The following NALF1 variants were observed in gnomAD, a reference collection of about 807,000 sequenced individuals.
NALF1 encodes the protein NALCN channel auxiliary factor 1, also known as family with sequence similarity 155 member A.
In NALF1, 3 loss-of-function variants were observed where a neutral mutation model predicts 48.4. That is an observed-to-expected ratio of 0.06 (90% CI 0.03 to 0.16). The LOEUF (loss-of-function observed/expected upper bound fraction) is 0.16. Ranked by LOEUF, NALF1 falls within the 10% of genes least tolerant of loss-of-function variation. The pLI, the probability that NALF1 is intolerant of heterozygous loss-of-function variation, is 1.00. For missense variants in NALF1, 526 were observed against 571.5 expected (o/e 0.92, Z 0.81); for synonymous variants, 262 against 245.7 (o/e 1.07, Z -0.62).
At chr13:107,530,948 T>C (rs868702067) in intron 1 of NALF1, among the ~76,000 whole-genome samples, 3 of 152,010 alleles carry the variant, frequency 2.0e-5, no homozygotes, top group African/African-American at 7.2e-5. Context: ...AACATTTTAG[T>C]TATGTAAAAA....
intron 1 of NALF1, among the ~76,000 whole-genome samples, chr13:107,723,330 A>C (rs1385611829): frequency 6.6e-6 from 1 of 152,186 alleles, no homozygotes; most frequent in East Asian, 1.9e-4. Flanking sequence ...TGCATTATAC[A>C]CTTAAGACCT....
At chr13:107,594,588 T>G (rs1009909937) in intron 1 of NALF1, among the ~76,000 whole-genome samples, 6 of 152,134 alleles carry the variant, frequency 3.9e-5, no homozygotes, top group Non-Finnish European at 5.9e-5. Context: ...CTAAAACAAA[T>G]ACTCCACCCA....
At chr13:107,494,582 T>A (rs1875262421) in intron 1 of NALF1, among the ~76,000 whole-genome samples, 1 of 152,210 alleles carries the variant, frequency 6.6e-6, no homozygotes, top group Non-Finnish European at 1.5e-5. Flanking sequence ...CATTGCTGCA[T>A]AACTGAGCAA....
chr13:107,606,715 T>A (rs1360273549), intron 1 of NALF1, among the ~76,000 whole-genome samples: 1 of 151,560 alleles, frequency 6.6e-6, no homozygotes, highest in Non-Finnish European at 1.5e-5. Flanking sequence ...GTTGACAAAT[T>A]AAAAAAAAAT....
At chr13:107,371,913 T>A (rs1883254552) in intron 1 of NALF1, among the ~76,000 whole-genome samples, 1 of 152,214 alleles carries the variant, frequency 6.6e-6, no homozygotes, top group African/African-American at 2.4e-5. Flanking sequence ...TTAATCAAGC[T>A]TTTCCAGACT....
rs1272547366 is a variant in NALF1, at chr13:107,276,738, TAATC to T, written c.916-65987_916-65984del. ...GACTTCCCATCTGACAAGGGATTAA[TAATC>T]AAACTGTATCAAGAGATAAACACAT... On this transcript the variant is annotated intron_variant, in intron 1 of 2. Transcript: ENST00000375915. Among the ~76,000 whole-genome samples, 15 of 152,118 alleles carry T rather than the reference TAATC, an allele frequency of 9.9e-5. 1 individual carries two copies. Among genetic ancestry groups the T allele is most frequent in the Admixed American group, 9.2e-4 (14 of 15,278 alleles).
intron 1 of NALF1, among the ~76,000 whole-genome samples, chr13:107,597,194 CTA>C (rs1594150426): frequency 1.3e-5 from 2 of 152,246 alleles, no homozygotes; most frequent in East Asian, 1.9e-4. Flanking sequence ...TTGAAGAAGT[CTA>C]TGTTATCAAA....
intron 1 of NALF1, among the ~76,000 whole-genome samples, chr13:107,238,786 G>A (rs1298511229): frequency 6.6e-6 from 1 of 152,102 alleles, no homozygotes; most frequent in Non-Finnish European, 1.5e-5. Flanking sequence ...GAAACCCAAC[G>A]GTGAGGTCAT....
At position 107,356,741 on chromosome 13, in the gene NALF1, C is replaced by T. The variant is rs533140935; in HGVS notation, c.916-145986G>A. Among the ~76,000 whole-genome samples the T allele has an allele frequency of 4.1e-4, 63 of 152,182 alleles. 2 individuals are homozygous for T. The South Asian group carries it at 0.013, about 31-fold the overall frequency. On this transcript the variant is annotated intron_variant, in intron 1 of 2. Coordinates refer to ENST00000375915, the MANE Select transcript of NALF1 (RefSeq NM_001080396.3). ...TTGAAGTTTATGATTCAACAGAAAACAAAAGTAGCTAAAACTCAAACAGAA... is the reference window on the plus strand; with the variant it reads ...TTGAAGTTTATGATTCAACAGAAAATAAAAGTAGCTAAAACTCAAACAGAA...
At chr13:107,519,684 A>G (rs1876174310) in intron 1 of NALF1, among the ~76,000 whole-genome samples, 1 of 152,188 alleles carries the variant, frequency 6.6e-6, no homozygotes, top group Admixed American at 6.5e-5. Flanking sequence ...ATATAATATC[A>G]AAACATTAAA....
intron 1 of NALF1, among the ~76,000 whole-genome samples, chr13:107,495,127 G>A (rs1310618416): frequency 6.6e-6 from 1 of 152,198 alleles, no homozygotes; most frequent in Non-Finnish European, 1.5e-5. Flanking sequence ...TCCTGCATCA[G>A]AAGTTGCAAG....
At chr13:107,350,590 C>T (rs1017281927) in intron 1 of NALF1, among the ~76,000 whole-genome samples, 8 of 152,180 alleles carry the variant, frequency 5.3e-5, no homozygotes, top group Admixed American at 5.2e-4. Flanking sequence ...TAGATGTTTA[C>T]TTGTTTATGC....
intron 1 of NALF1, among the ~76,000 whole-genome samples, chr13:107,533,824 A>C (rs2139110801): frequency 6.6e-6 from 1 of 152,274 alleles, no homozygotes; most frequent in Middle Eastern, 3.4e-3. Context: ...GGTCTCAGGA[A>C]AAGCTCAATA....
chr13:107,544,909 C>A lies in NALF1; in HGVS notation c.915+320773G>T, dbSNP rs12584208. On this transcript the variant is annotated intron_variant, in intron 1 of 2. Transcript: ENST00000375915. The stretch of plus-strand genomic sequence containing the variant: ...AGGTGAACAGAATGGAGATCACCGT[C>A]CTCTGCAGAAGACAGGCTCATGACT... Among the ~76,000 whole-genome samples, 3,730 of 152,206 alleles carry A rather than the reference C, an allele frequency of 0.025. 416 individuals carry two copies. The East Asian group carries it at 0.37, about 15-fold the overall frequency.
intron 1 of NALF1, among the ~76,000 whole-genome samples, chr13:107,540,567 T>C (rs1026440351): frequency 2.0e-5 from 3 of 152,262 alleles, no homozygotes; most frequent in Admixed American, 6.6e-5. Context: ...AATTTGCTTT[T>C]GAAATGCTGG....
chr13:107,470,202 T>C (rs1885077586), intron 1 of NALF1, among the ~76,000 whole-genome samples: 1 of 152,198 alleles, frequency 6.6e-6, no homozygotes, highest in South Asian at 2.1e-4. Flanking sequence ...ACTTTACTTA[T>C]TTGCATATGG....
At chr13:107,375,076 A>G (rs1307711696) in intron 1 of NALF1, among the ~76,000 whole-genome samples, 1 of 152,218 alleles carries the variant, frequency 6.6e-6, no homozygotes, top group Non-Finnish European at 1.5e-5. Flanking sequence ...TTATAGAAAA[A>G]GAAGTATTAC....
chr13:107,379,268 T>C (rs2138972101), intron 1 of NALF1, among the ~76,000 whole-genome samples: 1 of 152,286 alleles, frequency 6.6e-6, no homozygotes, highest in South Asian at 2.1e-4. Flanking sequence ...TAATTATAGC[T>C]TGTGTTATCA....
chr13:107,638,201 A>ATG lies in NALF1; in HGVS notation c.915+227480_915+227481insCA, dbSNP rs1555314238. 6.1e-4 allele frequency among the ~76,000 whole-genome samples: 68 copies of ATG among 110,852 alleles called. 3 individuals carry two copies. Among genetic ancestry groups the ATG allele is most frequent in the East Asian group, 4.7e-3 (9 of 1,924 alleles). The allele number at this position is 110,852 out of a possible 152,430, so 72.7% of individuals were successfully genotyped here. Reference sequence around the variant, plus strand: ...TATATAAAGATTTATATATATATATATATATAATTTAAGATGAACATTGGG... The same window carrying ATG: ...TATATAAAGATTTATATATATATATATGTATATAATTTAAGATGAACATTGGG... On this transcript the variant is annotated intron_variant, in intron 1 of 2. Transcript: ENST00000375915.
Sources: gnomAD v4.1 joint callset for allele counts (sites outside exome capture counted in the v4.1 genomes callset) on GRCh38, gnomAD v4.1.1 for gene constraint, MANE v1.5 for transcripts, NCBI Gene and HGNC (gene_info 2026-07-23, HGNC 2026-07-21) for gene names.